Variants in TMEM165 observed in about 807,000 individuals in gnomAD.
TMEM165 encodes the protein putative divalent cation/proton antiporter TMEM165.
A neutral mutation model predicts 30.0 loss-of-function variants in TMEM165; 19 were observed. The ratio of observed to expected loss-of-function variants is 0.63; its 90% confidence interval spans 0.44 to 0.93. TMEM165 has a LOEUF of 0.93. Ranked by LOEUF, TMEM165 falls within the 40% of genes least tolerant of loss-of-function variation. The pLI, the probability that TMEM165 is intolerant of heterozygous loss-of-function variation, is 0.00. For synonymous variants in TMEM165, 168 were observed against 162.9 expected (o/e 1.03, Z -0.24); for missense variants, 340 against 417.0 (o/e 0.82, Z 1.61).
chr4:55,418,775 C>T (rs1578241277), intron 4 of TMEM165, among the ~76,000 whole-genome samples: 1 of 151,972 alleles, frequency 6.6e-6, no homozygotes, highest in Admixed American at 6.6e-5. Context: ...GGCCGGGTGC[C>T]GTCCCTCACG....
rs556715429 is a variant in TMEM165, at chr4:55,443,782, G to A, written c.409-8457G>A. ...ATTCCACTTTGAATCTGGTTAGTAG[G>A]AACAACTTGGCCTTGCATATTTATA... On this transcript the variant is annotated intron_variant, in intron 3 of 3. Transcript: ENST00000608091. 6.2e-6 allele frequency: 10 copies of A among 1,613,914 alleles called. No individual in the cohort carries two copies. Among genetic ancestry groups the A allele is most frequent in the Non-Finnish European group, 8.5e-6 (10 of 1,179,940 alleles).
At chr4:55,409,060 A>G (rs1721381934) in intron 1 of TMEM165, among the ~76,000 whole-genome samples, 1 of 152,080 alleles carries the variant, frequency 6.6e-6, no homozygotes, top group Non-Finnish European at 1.5e-5. Flanking sequence ...CTCGTTTTTA[A>G]AGGACCGTCA....
intron 4 of TMEM165, among the ~76,000 whole-genome samples, chr4:55,420,828 A>T (rs1463175065): frequency 6.6e-6 from 1 of 152,188 alleles, no homozygotes; most frequent in Non-Finnish European, 1.5e-5. Flanking sequence ...TTCTAGGCCA[A>T]AAAAGGGTGA....
chr4:55,451,932 T>A (rs1411451570), intron 3 of TMEM165, among the ~76,000 whole-genome samples: 1 of 152,210 alleles, frequency 6.6e-6, no homozygotes, highest in Non-Finnish European at 1.5e-5. Flanking sequence ...TTATAACATT[T>A]GTTGAATGAC....
rs1018050439 is a variant in TMEM165 at position 55,399,130 on chromosome 4, T to G, written c.207+2734T>G. 4 of 152,306 alleles carry G rather than the reference T, an allele frequency of 2.6e-5. No individual in the cohort carries two copies. In the East Asian group the frequency reaches 7.7e-4, roughly 29 times the overall value. 9.4% of individuals were successfully genotyped at this position (152,306 alleles called of 1,614,324 possible). On this transcript the variant is annotated intron_variant, in intron 1 of 5. Coordinates refer to ENST00000381334, the MANE Select transcript of TMEM165 (RefSeq NM_018475.5). ...AAGAGAAGATCAAAAGCACTGGAACTCAACGAGTAAATAACCCATGGTAAC... is the reference window on the plus strand; with the variant it reads ...AAGAGAAGATCAAAAGCACTGGAACGCAACGAGTAAATAACCCATGGTAAC...
At chr4:55,421,166 C>CAAAAAAAAA (rs71194559) in intron 4 of TMEM165, among the ~76,000 whole-genome samples, 1 of 83,494 alleles carries the variant, frequency 1.2e-5, no homozygotes, top group Admixed American at 1.2e-4. Context: ...GATTCCATCT[C>CAAAAAAAAA]AAAAAAAAAA....
intron 3 of TMEM165, among the ~76,000 whole-genome samples, chr4:55,438,771 A>C (rs777479514): frequency 6.6e-6 from 1 of 152,218 alleles, no homozygotes; most frequent in Non-Finnish European, 1.5e-5. Context: ...ACGTCTTTGG[A>C]TATCCACATT....
At chr4:55,403,163 C>T (rs1425415812) in intron 1 of TMEM165, 19 of 943,452 alleles carry the variant, frequency 2.0e-5, no homozygotes, top group Non-Finnish European at 2.6e-5. Context: ...TTTCTTCTGA[C>T]TCCTTTGTCT....
intron 1 of TMEM165, among the ~76,000 whole-genome samples, chr4:55,397,569 T>G (rs1293886353): frequency 6.6e-6 from 1 of 152,096 alleles, no homozygotes; most frequent in Non-Finnish European, 1.5e-5. Context: ...AGATACCTAC[T>G]CTCTGTGAAG....
intron 3 of TMEM165, among the ~76,000 whole-genome samples, chr4:55,437,341 T>C (rs1368418492): frequency 6.6e-6 from 1 of 152,162 alleles, no homozygotes; most frequent in Non-Finnish European, 1.5e-5. Context: ...CTAGTACACA[T>C]ACAGACTAGC....
At chr4:55,443,338 G>A (rs901035718) in intron 3 of TMEM165, among the ~76,000 whole-genome samples, 6 of 151,966 alleles carry the variant, frequency 3.9e-5, no homozygotes, top group Non-Finnish European at 5.9e-5. Context: ...AGCCTGGCAT[G>A]GTGGTGGGTG....
chr4:55,420,911 A>G (rs78966988), intron 4 of TMEM165, among the ~76,000 whole-genome samples: 1 of 151,744 alleles, frequency 6.6e-6, no homozygotes, highest in South Asian at 2.1e-4. Flanking sequence ...TCTTTTTAAG[A>G]CTTGGGCCAG....
chr4:55,415,216 T>C (rs1328582979), intron 2 of TMEM165: 1 of 152,246 alleles, frequency 6.6e-6, no homozygotes, highest in Non-Finnish European at 1.5e-5. Flanking sequence ...TCTCCTTCCT[T>C]TCCCATTTGT....
chr4:55,397,728 CTTTCT>C (rs1720785729), intron 1 of TMEM165, among the ~76,000 whole-genome samples: 1 of 140,928 alleles, frequency 7.1e-6, no homozygotes, highest in South Asian at 2.2e-4. Context: ...TTTTCCTTTC[CTTTCT>C]CCCTTCCTTT....
intron 4 of TMEM165, among the ~76,000 whole-genome samples, chr4:55,419,449 G>A (rs1721875349): frequency 6.6e-6 from 1 of 152,222 alleles, no homozygotes; most frequent in South Asian, 2.1e-4. Flanking sequence ...GGTGACTTGT[G>A]TGAGGGAGTA....
At chr4:55,425,215 C>G (rs1446089703) in intron 5 of TMEM165, among the ~76,000 whole-genome samples, 161 bp from the exon 6 acceptor site, 1 of 152,170 alleles carries the variant, frequency 6.6e-6, no homozygotes, top group Non-Finnish European at 1.5e-5. Flanking sequence ...AAGTATTGTT[C>G]CTTGTTATGT....
rs1334897491 is a variant in TMEM165 at position 55,425,611 on chromosome 4, C to T, written c.*159C>T. On this transcript the variant is annotated 3_prime_UTR_variant, in exon 6 of 6. Coordinates refer to ENST00000381334, the MANE Select transcript of TMEM165 (RefSeq NM_018475.5). ...TATGTCTGAGATATAATCATTGATT[C>T]TATTTGTAACAAGGAGTTTTAAAAG... The T allele has an allele frequency of 1.2e-5, 7 of 568,134 alleles. No individual in the cohort carries two copies. The East Asian group carries it at 1.9e-4, about 15-fold the overall frequency. 35.2% of individuals were successfully genotyped at this position (568,134 alleles called of 1,614,324 possible). A position where few individuals can be genotyped will look rare whatever the true frequency, so the allele number is the denominator to read the frequency against.
intron 1 of TMEM165, among the ~76,000 whole-genome samples, chr4:55,405,836 A>T (rs1429698314): frequency 6.6e-6 from 1 of 152,200 alleles, no homozygotes; most frequent in Non-Finnish European, 1.5e-5. Context: ...ATATGTAATG[A>T]CTTCCCTCTT....
intron 1 of TMEM165, 57 bp downstream of exon 1, chr4:55,396,453 G>A: frequency 2.2e-6 from 3 of 1,340,324 alleles, no homozygotes; most frequent in South Asian, 1.7e-5. Context: ...CCGAGTACCA[G>A]GCTCCAGGCC....
Sources: gnomAD v4.1 joint callset for allele counts (sites outside exome capture counted in the v4.1 genomes callset) on GRCh38, gnomAD v4.1.1 for gene constraint, MANE v1.5 for transcripts, NCBI Gene and HGNC (gene_info 2026-07-23, HGNC 2026-07-21) for gene names.